The following PRKG1 variants were observed in gnomAD, a reference collection of about 807,000 sequenced individuals.
PRKG1 encodes the protein cGMP-dependent protein kinase 1.
In PRKG1, 35 loss-of-function variants were observed where a neutral mutation model predicts 88.1. The ratio of observed to expected loss-of-function variants is 0.40; its 90% CI spans 0.30 to 0.53. The LOEUF (loss-of-function observed/expected upper bound fraction) is 0.53. Among genes scored for constraint, PRKG1 ranks in the 20% least tolerant of loss-of-function variants. The pLI, the probability that PRKG1 is intolerant of heterozygous loss-of-function variation, is 0.59. For synonymous variants in PRKG1, 303 were observed against 292.5 expected (o/e 1.04, Z -0.37); for missense variants, 540 against 839.8 (o/e 0.64, Z 4.41).
chr10:51,106,330 C>T (rs1844830630), intron 1 of PRKG1, among the ~76,000 whole-genome samples: 1 of 152,170 alleles, frequency 6.6e-6, no homozygotes, highest in Non-Finnish European at 1.5e-5. Context: ...ATTGTGAAGA[C>T]ATTAGCATCA....
At chr10:51,527,010 C>T (rs1416750457) in intron 3 of PRKG1, among the ~76,000 whole-genome samples, 1 of 152,174 alleles carries the variant, frequency 6.6e-6, no homozygotes, top group African/African-American at 2.4e-5. Context: ...GTTGGAACTA[C>T]TCCAAACTGC....
At chr10:51,726,019 T>G (rs1842122544) in intron 3 of PRKG1, among the ~76,000 whole-genome samples, 1 of 152,100 alleles carries the variant, frequency 6.6e-6, no homozygotes, top group African/African-American at 2.4e-5. Flanking sequence ...TAAAAGAAAA[T>G]AAACAAACAG....
At chr10:51,026,931 C>T (rs1843214079) in intron 1 of PRKG1, among the ~76,000 whole-genome samples, 1 of 152,122 alleles carries the variant, frequency 6.6e-6, no homozygotes, top group Non-Finnish European at 1.5e-5. Flanking sequence ...AGATATATTA[C>T]CCAAATTGTA....
At chr10:51,679,103 T>C (rs1840781227) in intron 3 of PRKG1, among the ~76,000 whole-genome samples, 1 of 152,216 alleles carries the variant, frequency 6.6e-6, no homozygotes, top group Non-Finnish European at 1.5e-5. Context: ...TTAGATGTTA[T>C]TCCTCCCTTA....
chr10:51,949,257 T>C (rs1274520256), intron 5 of PRKG1, among the ~76,000 whole-genome samples: 1 of 152,140 alleles, frequency 6.6e-6, no homozygotes, highest in African/African-American at 2.4e-5. Context: ...TTTTGAGGAC[T>C]AGAATTGTGA....
intron 3 of PRKG1, among the ~76,000 whole-genome samples, chr10:51,704,999 A>G (rs1841570660): frequency 6.6e-6 from 1 of 152,160 alleles, no homozygotes; most frequent in African/African-American, 2.4e-5. Context: ...CTTCCTACAT[A>G]TAACACACTC....
intron 3 of PRKG1, among the ~76,000 whole-genome samples, chr10:51,578,211 T>A (rs1431532722): frequency 6.6e-6 from 1 of 152,128 alleles, no homozygotes; most frequent in Admixed American, 6.6e-5. Flanking sequence ...AGATTATTGG[T>A]AAATAGCAAT....
intron 2 of PRKG1, among the ~76,000 whole-genome samples, chr10:51,300,818 C>T (rs1335411189): frequency 6.6e-6 from 1 of 152,244 alleles, no homozygotes; most frequent in Non-Finnish European, 1.5e-5. Flanking sequence ...TCCCTGTTAG[C>T]TTACCCATTC....
intron 4 of PRKG1, among the ~76,000 whole-genome samples, chr10:51,893,979 C>A (rs540366058): frequency 6.6e-6 from 1 of 152,068 alleles, no homozygotes; most frequent in South Asian, 2.1e-4. Flanking sequence ...AGTGTAAGTG[C>A]TATTCAGGTG....
chr10:51,740,682 C>T (rs971672855), intron 3 of PRKG1, among the ~76,000 whole-genome samples: 1 of 151,938 alleles, frequency 6.6e-6, no homozygotes, highest in Non-Finnish European at 1.5e-5. Flanking sequence ...ATTTTTACTC[C>T]ATGGACTCCT....
intron 1 of PRKG1, among the ~76,000 whole-genome samples, chr10:51,034,668 T>TTATA (rs1554831108): frequency 0.01 from 710 of 68,018 alleles, 11 homozygotes; most frequent in East Asian, 0.015. Context: ...AATATGTTAT[T>TTATA]TATATATATA....
intron 3 of PRKG1, among the ~76,000 whole-genome samples, chr10:51,520,512 T>C (rs1352405638): frequency 6.6e-6 from 1 of 152,022 alleles, no homozygotes; most frequent in Non-Finnish European, 1.5e-5. Flanking sequence ...CTGTATACAG[T>C]TATCATCAAT....
At chr10:51,373,803 T>C (rs1028088448) in intron 2 of PRKG1, among the ~76,000 whole-genome samples, 1 of 152,086 alleles carries the variant, frequency 6.6e-6, no homozygotes, top group African/African-American at 2.4e-5. Flanking sequence ...GTGTTTCTTT[T>C]CTTTCTTTTT....
chr10:51,476,319 G>A lies in PRKG1; in HGVS notation c.592+8483G>A, dbSNP rs146775467. On this transcript the variant is annotated intron_variant, in intron 3 of 17. Coordinates refer to ENST00000373980, the MANE Select transcript of PRKG1 (RefSeq NM_006258.4). The stretch of plus-strand genomic sequence containing the variant: ...AGTTTTCACTGTGAAGGTGACAATA[G>A]ATCCTAGAGAATAAATATTGACTTC... 2.5e-3 allele frequency among the ~76,000 whole-genome samples: 375 copies of A among 152,096 alleles called. 1 individual carries two copies. The highest frequency in any genetic ancestry group is 8.8e-3 in the African/African-American group (365 of 41,512).
At chr10:52,268,727 A>G (rs775054597) in intron 10 of PRKG1, among the ~76,000 whole-genome samples, 9 of 152,086 alleles carry the variant, frequency 5.9e-5, no homozygotes, top group South Asian at 4.1e-4. Flanking sequence ...CTGCCACTTG[A>G]TAGCTCTGTG....
chr10:51,550,598 T>C lies in PRKG1; in HGVS notation c.592+82762T>C, dbSNP rs765812166. ...CTAGATTTCCTGTTATTAATGTAAA[T>C]AATACTAATTTTGGATAGTTTGATA... On this transcript the variant is annotated intron_variant, in intron 3 of 17. Coordinates refer to ENST00000373980, the MANE Select transcript of PRKG1 (RefSeq NM_006258.4). 2.0e-5 allele frequency among the ~76,000 whole-genome samples: 3 copies of C among 152,002 alleles called. No homozygotes were observed. The South Asian group carries it at 6.2e-4, about 31-fold the overall frequency.
chr10:51,912,540 C>A (rs1842241358), intron 5 of PRKG1, among the ~76,000 whole-genome samples: 2 of 152,024 alleles, frequency 1.3e-5, no homozygotes, highest in Admixed American at 1.3e-4. Flanking sequence ...TAAAACAATA[C>A]TTCCAGCAGA....
chr10:51,737,251 C>G (rs1479509280), intron 3 of PRKG1, among the ~76,000 whole-genome samples: 1 of 152,096 alleles, frequency 6.6e-6, no homozygotes, highest in Non-Finnish European at 1.5e-5. Flanking sequence ...ATTGTTTTTC[C>G]ATATAGCTAC....
intron 3 of PRKG1, among the ~76,000 whole-genome samples, chr10:51,746,433 C>A (rs1053222156): frequency 6.6e-6 from 1 of 152,018 alleles, no homozygotes; most frequent in East Asian, 1.9e-4. Flanking sequence ...TATTTGGAAG[C>A]CTTTGCATCT....
Sources: allele counts gnomAD v4.1 joint callset (sites outside exome capture counted in the v4.1 genomes callset), GRCh38; gene constraint gnomAD v4.1.1; transcripts MANE v1.5; gene names NCBI Gene and HGNC (gene_info 2026-07-23, HGNC 2026-07-21).